HYKK: variants seen among roughly 807,000 people sequenced by gnomAD.
HYKK encodes 5-hydroxy-L-lysine kinase.
HYKK carries 19 observed loss-of-function variants against 29.7 expected under a neutral mutation model. That is an observed-to-expected ratio of 0.64 (90% CI 0.45 to 0.94). HYKK has a LOEUF of 0.94. Ranked by LOEUF, HYKK falls within the 40% of genes least tolerant of loss-of-function variation. The pLI is 0.00. For missense variants in HYKK, 390 were observed against 443.4 expected (o/e 0.88, Z 1.08); for synonymous variants, 152 against 158.1 (o/e 0.96, Z 0.29).
chr15:78,525,840 T>C (rs572489344), intron 3 of HYKK, among the ~76,000 whole-genome samples: 150 of 152,332 alleles, frequency 9.8e-4, no homozygotes, highest in African/African-American at 3.5e-3. Flanking sequence ...TCACATGTAA[T>C]GGTCTAAGTG....
In HYKK at chr15:78,513,120, C is replaced by T. The variant is rs1183160268; in HGVS notation, c.32C>T (p.Ala11Val). The T allele has an allele frequency of 1.2e-6, 2 of 1,613,410 alleles. No individual in the cohort carries two copies. Among genetic ancestry groups the T allele is most frequent in the Non-Finnish European group, 1.7e-6 (2 of 1,179,506 alleles). MSSGNYQQSE[A>V]LSKPTFSEEQ... ...AGTGGAAACTATCAGCAGTCAGAGG[C>T]TCTTAGCAAACCCACTTTCAGTGAG... The change falls in exon 2 of 5, where the codon GCT becomes GTT. Residue 11 changes from alanine (A) to valine (V), a missense_variant. By Grantham distance (64) the Ala-to-Val change is moderately conservative. Coordinates refer to ENST00000388988, the MANE Select transcript of HYKK (RefSeq NM_001013619.4).
intron 4 of HYKK, among the ~76,000 whole-genome samples, chr15:78,529,040 T>C (rs919076435): frequency 1.8e-4 from 28 of 152,332 alleles, no homozygotes; most frequent in East Asian, 9.6e-4. Flanking sequence ...GGCTTCACTT[T>C]GTGCTTTCTC....
chr15:78,509,509 T>C (rs1231621478), intron 1 of HYKK, among the ~76,000 whole-genome samples: 2 of 152,264 alleles, frequency 1.3e-5, no homozygotes, highest in East Asian at 3.8e-4. Context: ...GAGATTGGCC[T>C]TCACCAGTTG....
chr15:78,530,402 T>C (rs1479167820), intron 4 of HYKK, among the ~76,000 whole-genome samples: 2 of 152,112 alleles, frequency 1.3e-5, no homozygotes, highest in African/African-American at 4.8e-5. Flanking sequence ...TATTTAGAAG[T>C]ATAAATCCTG....
intron 4 of HYKK, 75 bp from the exon 5 acceptor site, chr15:78,533,135 C>G: frequency 1.1e-6 from 1 of 912,596 alleles, no homozygotes; most frequent in Non-Finnish European, 1.7e-6. Context: ...TATGGCTTTG[C>G]CTATGAAAGA....
chr15:78,515,498 G>T (rs574790152), intron 3 of HYKK, among the ~76,000 whole-genome samples: 2 of 152,034 alleles, frequency 1.3e-5, no homozygotes, highest in South Asian at 2.1e-4. Flanking sequence ...CAGGAGAATC[G>T]CTTGAGCCAG....
At chr15:78,529,273 T>G (rs2052288694) in intron 4 of HYKK, among the ~76,000 whole-genome samples, 1 of 152,248 alleles carries the variant, frequency 6.6e-6, no homozygotes, top group South Asian at 2.1e-4. Flanking sequence ...TCTAGAATAT[T>G]GTATTCACTA....
rs148111076 is a variant in HYKK at position 78,528,872 on chromosome 15, A to T, written c.661+1309A>T. On this transcript the variant is annotated intron_variant, in intron 4 of 4. Transcript: ENST00000388988. ...CTAAGATAGGCAGTATGTGTTTCTC[A>T]GTGTTTCCTTACTCCGTGTAAACAC... is the stretch of plus-strand genomic sequence containing the variant. 7.1e-5 allele frequency: 70 copies of T among 982,340 alleles called. No homozygotes were observed. The African/African-American group carries it at 1.1e-3, about 15-fold the overall frequency. The allele number at this position is 982,340 out of a possible 1,614,324, so 60.9% of individuals were successfully genotyped here.
At chr15:78,526,509 G>A (rs751834789) in intron 3 of HYKK, among the ~76,000 whole-genome samples, 2 of 152,228 alleles carry the variant, frequency 1.3e-5, no homozygotes, top group Non-Finnish European at 2.9e-5. Flanking sequence ...CACTAACCAT[G>A]TGGATATCTG....
In HYKK at chr15:78,513,263, C is replaced by A. The variant is rs772871155; in HGVS notation, c.175C>A (p.Pro59Thr). The A allele has an allele frequency of 4.3e-6, 7 of 1,613,966 alleles. No homozygotes were observed. Among genetic ancestry groups the A allele is most frequent in the Non-Finnish European group, 5.9e-6 (7 of 1,180,032 alleles). Residue 59 changes from proline to threonine, a missense_variant, in exon 2 of 5, where the codon CCA (proline) becomes ACA (threonine). Coordinates refer to ENST00000388988, the MANE Select transcript of HYKK (RefSeq NM_001013619.4). ...CTACGTTTCAAAAACCAAAGATGGCCCAACTGAATATGTCCTCAAAATAAG... is the reference window on the plus strand; with the variant it reads ...CTACGTTTCAAAAACCAAAGATGGCACAACTGAATATGTCCTCAAAATAAG... ...HVYVSKTKDG[P>T]TEYVLKISNT...
At chr15:78,520,111 G>C (rs1195470819) in intron 3 of HYKK, among the ~76,000 whole-genome samples, 1 of 152,198 alleles carries the variant, frequency 6.6e-6, no homozygotes, top group Admixed American at 6.5e-5. Flanking sequence ...GGGAGCTCTA[G>C]AGGGAACCAA....
intron 3 of HYKK, among the ~76,000 whole-genome samples, chr15:78,519,134 C>T (rs538183551): frequency 5.3e-4 from 80 of 152,282 alleles, no homozygotes; most frequent in African/African-American, 1.8e-3. Context: ...TTATTCCATG[C>T]GCCACGCTAT....
At chr15:78,507,858 T>C (rs1418581405) in intron 1 of HYKK, among the ~76,000 whole-genome samples, 187 bp downstream of exon 1, 1 of 152,186 alleles carries the variant, frequency 6.6e-6, no homozygotes, top group Non-Finnish European at 1.5e-5. Context: ...TTCCCGGACC[T>C]CACCTGTAAC....
At chr15:78,529,230 T>C (rs1332094013) in intron 4 of HYKK, among the ~76,000 whole-genome samples, 3 of 152,236 alleles carry the variant, frequency 2.0e-5, no homozygotes, top group African/African-American at 4.8e-5. Context: ...CTGCGTGTCA[T>C]TGCATATGCT....
intron 4 of HYKK, chr15:78,528,930 T>C (rs2052284779): frequency 1.2e-6 from 1 of 817,606 alleles, no homozygotes; most frequent in Non-Finnish European, 1.5e-6. Context: ...CAGAGTTGAT[T>C]TTTTCCCTTC....
At position 78,514,975 on chromosome 15, in the gene HYKK, C is replaced by G; in HGVS notation, c.345C>G (p.Gly115=). ...TTTATTCCATCCATTTAGATAGTGG[C>G]TCTGAAATCAAAAGCTACTTGGTGA... ...NTASLVSVDS[G]SEIKSYLVRL... Residue 115 remains glycine (G), a synonymous_variant, in exon 3 of 5, where the codon GGC becomes GGG. Coordinates refer to ENST00000388988, the MANE Select transcript of HYKK (RefSeq NM_001013619.4). 6.4e-7 allele frequency: 1 copy of G among 1,553,352 alleles called. No individual in the cohort carries two copies. The highest frequency in any genetic ancestry group is 8.7e-7 in the Non-Finnish European group (1 of 1,147,582).
chr15:78,511,658 G>C (rs760416329), intron 1 of HYKK, among the ~76,000 whole-genome samples: 1 of 152,024 alleles, frequency 6.6e-6, no homozygotes, highest in Non-Finnish European at 1.5e-5. Flanking sequence ...GGTGGTTGAG[G>C]CTGCAGTGAG....
intron 4 of HYKK, among the ~76,000 whole-genome samples, chr15:78,531,093 C>T (rs1321129656): frequency 6.6e-6 from 1 of 152,050 alleles, no homozygotes; most frequent in African/African-American, 2.4e-5. Flanking sequence ...GAACTCCTGG[C>T]CTCAAGTGAT....
intron 3 of HYKK, among the ~76,000 whole-genome samples, chr15:78,523,969 G>C (rs1410813086): frequency 6.6e-6 from 1 of 152,218 alleles, no homozygotes; most frequent in Non-Finnish European, 1.5e-5. Context: ...CTGCTCTCAA[G>C]GGCTGGTGTT....
Sources: gnomAD v4.1 joint callset for allele counts (sites outside exome capture counted in the v4.1 genomes callset) on GRCh38, gnomAD v4.1.1 for gene constraint, MANE v1.5 for transcripts, NCBI Gene and HGNC (gene_info 2026-07-23, HGNC 2026-07-21) for gene names.